The following APC2 variants were observed in gnomAD, a reference collection of about 807,000 sequenced individuals.
APC2 encodes adenomatous polyposis coli protein 2.
APC2 carries 41 observed loss-of-function variants against 72.5 expected under a neutral mutation model. The ratio of observed to expected loss-of-function variants is 0.57; its 90% CI spans 0.44 to 0.73. The LOEUF is 0.73. Among genes scored for constraint, APC2 ranks in the 30% least tolerant of loss-of-function variants. The pLI is 0.00. For missense variants in APC2, 3,729 were observed against 3,403.4 expected (o/e 1.10, Z -2.38); for synonymous variants, 1,898 against 1,612.0 (o/e 1.18, Z -4.25).
At position 1,457,211 on chromosome 19, in the gene APC2, ACGGCGGGCCCGAGG is replaced by A. The variant is rs1259643409; in HGVS notation, c.1176_1189del (p.Asp392GlufsTer28). The stretch of plus-strand genomic sequence containing the variant: ...TGCTGGGACTGGCTGCAGGCCCGAG[ACGGCGGGCCCGAGG>A]GAGGTGGCGCCGGCAGCGGTGAGTG... On this transcript the variant is annotated frameshift_variant, in exon 9 of 15. Transcript: ENST00000590469. LOFTEE classifies it high-confidence loss of function. 2.6e-6 allele frequency: 4 copies of A among 1,547,332 alleles called. No homozygotes were observed. Among genetic ancestry groups the A allele is most frequent in the Non-Finnish European group, 3.5e-6 (4 of 1,149,502 alleles).
At chr19:1,449,453 A>G (rs1258358021), upstream of APC2, among the ~76,000 whole-genome samples, 1 of 152,116 alleles carries the variant, frequency 6.6e-6, no homozygotes, top group Non-Finnish European at 1.5e-5. Flanking sequence ...TAAGTGTGCC[A>G]CCCACCAGGG....
chr19:1,469,200 G>C lies in APC2; in HGVS notation c.5899G>C (p.Gly1967Arg). 1.5e-6 allele frequency: 2 copies of C among 1,311,154 alleles called. No homozygotes were observed. The highest frequency in any genetic ancestry group is 9.7e-7 in the Non-Finnish European group (1 of 1,028,714). The allele number at this position is 1,311,154 out of a possible 1,614,324, so 81.2% of individuals were successfully genotyped here. The change falls in exon 15 of 15, where the codon GGG (glycine) becomes CGG (arginine). Residue 1967 changes from glycine to arginine, a missense_variant. Physicochemically the swap from Gly to Arg is moderately radical, Grantham distance 125. Transcript: ENST00000590469. ...AGTEAGPGAR[G>R]GRLGLVRVAS... is the part of the protein sequence containing the mutation. ...GACCGAGGCGGGCCCGGGGGCGCGC[G>C]GGGGCCGCCTGGGCCTGGTGCGTGT...
intron 4 of APC2, among the ~76,000 whole-genome samples, chr19:1,454,718 C>T (rs886283087): frequency 1.3e-5 from 2 of 152,080 alleles, no homozygotes; most frequent in Non-Finnish European, 2.9e-5. Flanking sequence ...CACCCGCCAC[C>T]ACGCCCGGCT....
rs942669373 is a variant in APC2, at chr19:1,469,173, G to C, written c.5872G>C (p.Gly1958Arg). ...VPEPGPRGRA[G>R]TEAGPGARGG... The stretch of plus-strand genomic sequence containing the variant: ...GGAGCCGGGCCCCAGGGGCCGGGCG[G>C]GGACCGAGGCGGGCCCGGGGGCGCG... Residue 1958 changes from glycine to arginine, a missense_variant, in exon 15 of 15, where the codon GGG becomes CGG. By Grantham distance (125) the Gly-to-Arg change is moderately radical. Transcript: ENST00000590469. 2.7e-5 allele frequency: 35 copies of C among 1,288,990 alleles called. No individual in the cohort carries two copies. In the African/African-American group the frequency reaches 4.5e-4, roughly 17 times the overall value. 79.8% of individuals were successfully genotyped at this position (1,288,990 alleles called of 1,614,324 possible). A position where few individuals can be genotyped will look rare whatever the true frequency, so the allele number is the denominator to read the frequency against.
At chr19:1,457,913 C>T in intron 9 of APC2, 52 bp from the exon 10 acceptor site, 1 of 1,352,808 alleles carries the variant, frequency 7.4e-7, no homozygotes, top group East Asian at 2.6e-5. Context: ...TCGGGAGTCA[C>T]CTGGGACATT....
chr19:1,466,032 C>T lies in APC2; in HGVS notation c.2731C>T (p.Pro911Ser), dbSNP rs1223084358. 1 of 1,495,436 alleles carries T rather than the reference C, an allele frequency of 6.7e-7. No individual in the cohort carries two copies. The highest frequency in any genetic ancestry group is 1.3e-5 in the South Asian group (1 of 75,772). The allele number at this position is 1,495,436 out of a possible 1,614,324, so 92.6% of individuals were successfully genotyped here. A position where few individuals can be genotyped will look rare whatever the true frequency, so the allele number is the denominator to read the frequency against. ...GRREAGSRAH[P>S]LLRLKAAHAS... The stretch of plus-strand genomic sequence containing the variant: ...GCGAGAGGCAGGAAGCCGGGCGCAC[C>T]CGCTGCTGCGGCTCAAGGCGGCCCA... Residue 911 changes from proline (P) to serine (S), a missense_variant, in exon 15 of 15, where the codon CCG (proline) becomes TCG (serine). Coordinates refer to ENST00000590469, the MANE Select transcript of APC2 (RefSeq NM_005883.3).
chr19:1,468,779 C>T lies in APC2; in HGVS notation c.5478C>T (p.Pro1826=), dbSNP rs747343187. 3 of 1,510,940 alleles carry T rather than the reference C, an allele frequency of 2.0e-6. No homozygotes were observed. The highest frequency in any genetic ancestry group is 4.2e-5 in the Admixed American group (2 of 47,448). 93.6% of individuals were successfully genotyped at this position (1,510,940 alleles called of 1,614,324 possible). A position where few individuals can be genotyped will look rare whatever the true frequency, so the allele number is the denominator to read the frequency against. ...RKVAPPCLAQ[P]AAPAKVPSPG... is the part of the protein sequence containing the mutation. ...TGGCGCCCCCTTGCCTGGCACAGCC[C>T]GCGGCTCCAGCCAAAGTCCCGAGCC... The change falls in exon 15 of 15, where the codon CCC becomes CCT. Residue 1826 remains proline (P), a synonymous_variant. Coordinates refer to ENST00000590469, the MANE Select transcript of APC2 (RefSeq NM_005883.3).
rs2084016796 is a variant in APC2, at chr19:1,466,462, C to A, written c.3161C>A (p.Ala1054Glu). Residue 1054 changes from alanine to glutamate, a missense_variant, in exon 15 of 15, where the codon GCA (alanine) becomes GAA (glutamate). Coordinates refer to ENST00000590469, the MANE Select transcript of APC2 (RefSeq NM_005883.3). ...AAAPLSVASK[A>E]LQKLAAQEGP... ...GCCCCGCTGTCTGTGGCCAGCAAGG[C>A]ACTGCAGAAACTGGCGGCGCAAGAG... The A allele has an allele frequency of 6.3e-7, 1 of 1,598,264 alleles. No homozygotes were observed. Among genetic ancestry groups the A allele is most frequent in the Non-Finnish European group, 8.5e-7 (1 of 1,179,554 alleles).
chr19:1,458,134 GAC>G, intron 10 of APC2, 74 bp downstream of exon 10: 1 of 1,369,184 alleles, frequency 7.3e-7, no homozygotes, highest in South Asian at 1.2e-5. Flanking sequence ...CCGCTAAAGG[GAC>G]ACAGGCTGGG....
chr19:1,469,635 G>C lies in APC2; in HGVS notation c.6334G>C (p.Asp2112His). 1.6e-6 allele frequency: 2 copies of C among 1,231,706 alleles called. No homozygotes were observed. The highest frequency in any genetic ancestry group is 2.8e-5 in the South Asian group (1 of 36,228). 76.3% of individuals were successfully genotyped at this position (1,231,706 alleles called of 1,614,324 possible). A position where few individuals can be genotyped will look rare whatever the true frequency, so the allele number is the denominator to read the frequency against. Residue 2112 changes from aspartate (D) to histidine (H), a missense_variant, in exon 15 of 15, where the codon GAC becomes CAC. Coordinates refer to ENST00000590469, the MANE Select transcript of APC2 (RefSeq NM_005883.3). Reference sequence around the variant, plus strand: ...GCACATCAGCGTGGCCCGCAGGCCCGACGGCGCCGTCCCCGCGGCCCCTGC... The same window carrying C: ...GCACATCAGCGTGGCCCGCAGGCCCCACGGCGCCGTCCCCGCGGCCCCTGC... Reference protein sequence around the residue: ...LPHISVARRPDGAVPAAPASA... With the variant: ...LPHISVARRPHGAVPAAPASA...
At chr19:1,461,299 C>A (rs1442715800) in intron 13 of APC2, 146 bp downstream of exon 13, 1 of 701,130 alleles carries the variant, frequency 1.4e-6, no homozygotes, top group South Asian at 1.7e-5. Context: ...CCGGCTGGGG[C>A]TCACTCCTCA....
chr19:1,465,270 G>C lies in APC2; in HGVS notation c.1969G>C (p.Ala657Pro). ...GTLWNLSARS[A>P]RDQELLWDLG... ...GCTCTGGAACCTGTCGGCCCGCAGC[G>C]CCCGTGACCAGGAGCTGCTGTGGGA... Residue 657 changes from alanine to proline, a missense_variant, in exon 15 of 15, where the codon GCC becomes CCC. By Grantham distance (27) the Ala-to-Pro change is conservative. Coordinates refer to ENST00000590469, the MANE Select transcript of APC2 (RefSeq NM_005883.3). 6.2e-7 allele frequency: 1 copy of C among 1,606,342 alleles called. No homozygotes were observed. Among genetic ancestry groups the C allele is most frequent in the South Asian group, 1.1e-5 (1 of 90,898 alleles).
At chr19:1,449,941 C>CG (rs950543039), upstream of APC2, among the ~76,000 whole-genome samples, 2 of 152,162 alleles carry the variant, frequency 1.3e-5, no homozygotes, top group Admixed American at 6.5e-5. Flanking sequence ...CCCCTTCCCT[C>CG]GGGGGGGTTT....
intron 2 of APC2, 32 bp downstream of exon 2, chr19:1,453,174 G>A (rs1223234839): frequency 6.3e-7 from 1 of 1,580,864 alleles, no homozygotes; most frequent in Non-Finnish European, 8.6e-7. Context: ...GTGGGCTAGG[G>A]TCCCGGGGTG....
At chr19:1,455,987 G>GCCCAGGGTGGGGTCAT in intron 6 of APC2, 89 bp from the exon 7 acceptor site, 1 of 1,364,292 alleles carries the variant, frequency 7.3e-7, no homozygotes, top group African/African-American at 1.4e-5. Flanking sequence ...CGGGGTCAGA[G>GCCCAGGGTGGGGTCAT]CCCAGGGTGG....
In APC2 at chr19:1,460,204, C is replaced by T. The variant is rs1022661573; in HGVS notation, c.1327C>T (p.Leu443=). Residue 443 remains leucine, a synonymous_variant, in exon 11 of 15, where the codon CTG becomes TTG. Coordinates refer to ENST00000590469, the MANE Select transcript of APC2 (RefSeq NM_005883.3). ...ELGGLQAVAE[L]LQVDYEMHKM... ...AGGTGGGCTGCAGGCCGTGGCAGAG[C>T]TGCTGCAGGTTGACTATGAGATGCA... 7 of 1,613,326 alleles carry T rather than the reference C, an allele frequency of 4.3e-6. No homozygotes were observed. Among genetic ancestry groups the T allele is most frequent in the Non-Finnish European group, 3.4e-6 (4 of 1,180,024 alleles).
intron 11 of APC2, 71 bp from the exon 12 acceptor site, chr19:1,460,709 G>T (rs1289372097): frequency 6.8e-7 from 1 of 1,474,086 alleles, no homozygotes; most frequent in Non-Finnish European, 9.3e-7. Flanking sequence ...ACACAGACGG[G>T]GCTGGGAGGT....
At chr19:1,454,365 T>C (rs1810321938) in intron 4 of APC2, among the ~76,000 whole-genome samples, 1 of 15,064 alleles carries the variant, frequency 6.6e-5, no homozygotes, top group Non-Finnish European at 1.2e-4. Context: ...TTGCTTTCTC[T>C]TTTTTTTTTT....
intron 8 of APC2, 45 bp from the exon 9 acceptor site, chr19:1,456,808 G>T: frequency 6.4e-7 from 1 of 1,563,144 alleles, no homozygotes; most frequent in East Asian, 2.4e-5. Context: ...CCAGGTGTGC[G>T]GGGGGCAGGT....
Sources: allele counts gnomAD v4.1 joint callset (sites outside exome capture counted in the v4.1 genomes callset), GRCh38; gene constraint gnomAD v4.1.1; transcripts MANE v1.5; gene names NCBI Gene and HGNC (gene_info 2026-07-23, HGNC 2026-07-21).